The following KAZN variants were observed in gnomAD, a reference collection of about 807,000 sequenced individuals.
The protein encoded by KAZN is kazrin, periplakin interacting protein.
A neutral mutation model predicts 87.4 loss-of-function variants in KAZN; 40 were observed. The ratio of observed to expected loss-of-function variants is 0.46; its 90% CI spans 0.36 to 0.60. The LOEUF is 0.60. Ranked by LOEUF, KAZN falls within the 20% of genes least tolerant of loss-of-function variation. The probability of loss-of-function intolerance (pLI) is 0.00; values close to 1 mark genes in which losing one functional copy is unlikely to be tolerated. For missense variants in KAZN, 898 were observed against 1,073.9 expected (o/e 0.84, Z 2.29); for synonymous variants, 466 against 458.3 (o/e 1.02, Z -0.22).
rs574206479 is a variant in KAZN, at chr1:14,110,361, G to T, written c.92-70074G>T. Among the ~76,000 whole-genome samples the T allele has an allele frequency of 1.1e-4, 17 of 152,282 alleles. No individual in the cohort carries two copies. The South Asian group carries it at 3.3e-3, about 30-fold the overall frequency. ...ATTAATACACATCCACATCCCACTT[G>T]CAATGCAATTTTGTATAACTCTCTA... On this transcript the variant is annotated intron_variant, in intron 1 of 16. Coordinates refer to the KAZN transcript ENST00000636203.
chr1:14,854,671 A>G (rs780663027), intron 1 of KAZN, among the ~76,000 whole-genome samples: 12 of 152,082 alleles, frequency 7.9e-5, no homozygotes, highest in Admixed American at 7.9e-4. Context: ...CAGGCATTAG[A>G]CCATTCAATG....
At chr1:13,909,440 G>A (rs902673426) in intron 1 of KAZN, among the ~76,000 whole-genome samples, 5 of 152,092 alleles carry the variant, frequency 3.3e-5, no homozygotes, top group South Asian at 2.1e-4. Flanking sequence ...GAGAGCTCCC[G>A]TCTAGCATTG....
At chr1:15,075,245 T>G (rs956393385) in intron 8 of KAZN, among the ~76,000 whole-genome samples, 2 of 152,142 alleles carry the variant, frequency 1.3e-5, no homozygotes, top group African/African-American at 4.8e-5. Flanking sequence ...TCCTGGCCAG[T>G]GCTTTGAGCT....
At chr1:14,515,571 C>A (rs552947851) in intron 2 of KAZN, among the ~76,000 whole-genome samples, 1 of 152,288 alleles carries the variant, frequency 6.6e-6, no homozygotes, top group African/African-American at 2.4e-5. Context: ...TCTACCATCC[C>A]GGCCTCACTC....
At chr1:14,240,828 C>T (rs1469289887) in intron 2 of KAZN, among the ~76,000 whole-genome samples, 3 of 152,200 alleles carry the variant, frequency 2.0e-5, no homozygotes, top group Admixed American at 2.0e-4. Flanking sequence ...CAGAATGTTC[C>T]ACTTCTGTTG....
chr1:14,314,237 C>G (rs1016613448), intron 2 of KAZN, among the ~76,000 whole-genome samples: 4 of 152,162 alleles, frequency 2.6e-5, no homozygotes, highest in African/African-American at 9.7e-5. Context: ...AGTGAGCTCT[C>G]CACTTTGACC....
chr1:14,190,825 CTCA>C, intron 2 of KAZN, among the ~76,000 whole-genome samples: 1 of 152,166 alleles, frequency 6.6e-6, no homozygotes, highest in East Asian at 1.9e-4. Flanking sequence ...TTCAGCTGGG[CTCA>C]TCCCAGAACA....
intron 2 of KAZN, among the ~76,000 whole-genome samples, chr1:15,000,787 C>G (rs1330087654): frequency 6.6e-6 from 1 of 151,944 alleles, no homozygotes; most frequent in African/African-American, 2.4e-5. Flanking sequence ...ACGTTTGGAT[C>G]AACATTAGGC....
intron 1 of KAZN, among the ~76,000 whole-genome samples, chr1:14,096,068 C>A (rs1644120816): frequency 6.6e-6 from 1 of 152,122 alleles, no homozygotes; most frequent in African/African-American, 2.4e-5. Context: ...ATGGCTCAGT[C>A]TACTACTAAT....
At chr1:14,433,636 T>C (rs569329133) in intron 2 of KAZN, among the ~76,000 whole-genome samples, 12 of 152,290 alleles carry the variant, frequency 7.9e-5, no homozygotes, top group African/African-American at 2.9e-4. Flanking sequence ...GGCAGGTGGA[T>C]CACCAGAGGT....
At chr1:15,071,129 C>T (rs927389241) in intron 8 of KAZN, among the ~76,000 whole-genome samples, 1 of 152,138 alleles carries the variant, frequency 6.6e-6, no homozygotes, top group African/African-American at 2.4e-5. Flanking sequence ...CTTAGCAGTT[C>T]GTATGTTAGA....
At chr1:14,749,142 G>T (rs569697787) in intron 1 of KAZN, among the ~76,000 whole-genome samples, 8 of 152,096 alleles carry the variant, frequency 5.3e-5, no homozygotes, top group Non-Finnish European at 1.0e-4. Context: ...ATTGCTTCCC[G>T]CAGCAGACAT....
At chr1:14,617,634 G>A (rs1389271565) in intron 1 of KAZN, among the ~76,000 whole-genome samples, 2 of 152,202 alleles carry the variant, frequency 1.3e-5, no homozygotes, top group African/African-American at 4.8e-5. Context: ...AAGTGCATGG[G>A]ACATACATGC....
intron 1 of KAZN, among the ~76,000 whole-genome samples, chr1:14,147,655 G>A (rs1645381199): frequency 6.6e-6 from 1 of 151,918 alleles, no homozygotes; most frequent in Admixed American, 6.6e-5. Context: ...AATTAGCTGG[G>A]CATGGCGGCA....
intron 1 of KAZN, among the ~76,000 whole-genome samples, chr1:14,927,758 C>G (rs533723156): frequency 5.3e-5 from 8 of 152,178 alleles, no homozygotes; most frequent in Non-Finnish European, 1.2e-4. Flanking sequence ...TATTCTGCCT[C>G]TTCACATCCT....
Position 13,902,525 on chromosome 1 carries a change from C to T in KAZN, c.91+8769C>T, listed in dbSNP as rs190239436. ...TATCACTTGTGTTCCCAAACCCTGG[C>T]GGCTACCAGAGGCAGGAAGGGAGAC... On this transcript the variant is annotated intron_variant, in intron 1 of 16. Transcript: ENST00000636203. Among the ~76,000 whole-genome samples, 25 of 152,200 alleles carry T rather than the reference C, an allele frequency of 1.6e-4. No homozygotes were observed. The East Asian group carries it at 4.3e-3, about 26-fold the overall frequency.
intron 11 of KAZN, among the ~76,000 whole-genome samples, chr1:15,102,456 T>C (rs1641110355): frequency 6.6e-6 from 1 of 151,534 alleles, no homozygotes. Flanking sequence ...TCCTGTTGGG[T>C]GGGGTGCTGG....
At chr1:14,974,938 A>G (rs1415682434) in intron 2 of KAZN, among the ~76,000 whole-genome samples, 4 of 152,242 alleles carry the variant, frequency 2.6e-5, no homozygotes, top group Non-Finnish European at 5.9e-5. Context: ...TATTTTATTT[A>G]AAACCAATAA....
At chr1:14,984,991 C>G (rs1271815895) in intron 2 of KAZN, among the ~76,000 whole-genome samples, 3 of 151,998 alleles carry the variant, frequency 2.0e-5, no homozygotes, top group African/African-American at 7.3e-5. Flanking sequence ...CAAAAATTAG[C>G]CAGGCGTGGT....
Sources: allele counts gnomAD v4.1 joint callset (sites outside exome capture counted in the v4.1 genomes callset), GRCh38; gene constraint gnomAD v4.1.1; transcripts MANE v1.5; gene names NCBI Gene and HGNC (gene_info 2026-07-23, HGNC 2026-07-21).